FNBP1L: variants seen among roughly 807,000 people sequenced by gnomAD.
FNBP1L encodes the protein formin-binding protein 1-like.
Under a neutral mutation model 91.2 loss-of-function variants are expected in FNBP1L, and 36 were observed. The observed-to-expected ratio is 0.39, with a 90% CI of 0.30 to 0.52. The LOEUF is 0.52. Among genes scored for constraint, FNBP1L ranks in the 20% least tolerant of loss-of-function variants. The pLI, the probability that FNBP1L is intolerant of heterozygous loss-of-function variation, is 0.66. For synonymous variants in FNBP1L, 242 were observed against 237.0 expected (o/e 1.02, Z -0.19); for missense variants, 571 against 732.1 (o/e 0.78, Z 2.54).
intron 1 of FNBP1L, among the ~76,000 whole-genome samples, chr1:93,498,146 A>G (rs1310665724): frequency 6.6e-6 from 1 of 152,148 alleles, no homozygotes; most frequent in East Asian, 1.9e-4. Flanking sequence ...AAATTTGGAG[A>G]CTTAATCTAG....
chr1:93,545,914 C>A (rs1672210222), intron 12 of FNBP1L, among the ~76,000 whole-genome samples: 1 of 150,112 alleles, frequency 6.7e-6, no homozygotes. Flanking sequence ...AAGTTTAGGG[C>A]AAAGATAAAG....
intron 11 of FNBP1L, among the ~76,000 whole-genome samples, chr1:93,543,328 A>C (rs1476994675): frequency 6.6e-6 from 1 of 152,210 alleles, no homozygotes; most frequent in African/African-American, 2.4e-5. Context: ...TTTTTCTTAA[A>C]TTGCATAGTT....
chr1:93,513,275 C>G (rs1366130709), intron 2 of FNBP1L, among the ~76,000 whole-genome samples: 1 of 151,346 alleles, frequency 6.6e-6, no homozygotes. Flanking sequence ...TGGCAATAAT[C>G]AATAGCTTAC....
intron 1 of FNBP1L, among the ~76,000 whole-genome samples, chr1:93,455,208 G>A (rs1018665511): frequency 1.3e-5 from 2 of 152,144 alleles, no homozygotes; most frequent in African/African-American, 2.4e-5. Context: ...GATTAGCGGC[G>A]TGAGCCACCC....
At chr1:93,515,988 A>T (rs376849403) in intron 2 of FNBP1L, among the ~76,000 whole-genome samples, 13 of 152,324 alleles carry the variant, frequency 8.5e-5, no homozygotes, top group East Asian at 5.8e-4. Flanking sequence ...TCATCATCTG[A>T]TAAAGATTTA....
chr1:93,535,551 T>C lies in FNBP1L; in HGVS notation c.990+643T>C, dbSNP rs934647645. Among the ~76,000 whole-genome samples, 7 of 152,206 alleles carry C rather than the reference T, an allele frequency of 4.6e-5. No individual in the cohort carries two copies. The South Asian group carries it at 1.0e-3, about 23-fold the overall frequency. On this transcript the variant is annotated intron_variant, in intron 9 of 16. Coordinates refer to ENST00000271234, the MANE Select transcript of FNBP1L (RefSeq NM_001164473.3). ...ACTCGTGTCTTATTAGTAAGGAGAA[T>C]AGAGAAATACTTTTAATCTGATGTG...
chr1:93,523,409 A>C lies in FNBP1L; in HGVS notation c.260A>C (p.Glu87Ala). The change falls in exon 4 of 17, where the codon GAA (glutamate) becomes GCA (alanine). Residue 87 changes from glutamate to alanine, a missense_variant. Glu to Ala is a moderately radical substitution (Grantham distance 107, BLOSUM62 -1). Transcript: ENST00000271234. ...TTAAATGACTATGCAGGACAGCGAG[A>C]AGTTGTAGCAGAAGAAATGGCGCAC... is the stretch of plus-strand genomic sequence containing the variant. ...NELNDYAGQR[E>A]VVAEEMAHRV... The C allele has an allele frequency of 6.2e-7, 1 of 1,610,246 alleles. No individual in the cohort carries two copies. The highest frequency in any genetic ancestry group is 8.5e-7 in the Non-Finnish European group (1 of 1,178,100).
intron 8 of FNBP1L, among the ~76,000 whole-genome samples, chr1:93,534,005 T>G (rs766781657): frequency 6.6e-6 from 1 of 152,166 alleles, no homozygotes; most frequent in African/African-American, 2.4e-5. Context: ...TTTGTAGAGA[T>G]ACTCTGAAAA....
At chr1:93,530,441 G>T (rs1371264837) in intron 6 of FNBP1L, among the ~76,000 whole-genome samples, 1 of 151,824 alleles carries the variant, frequency 6.6e-6, no homozygotes, top group African/African-American at 2.4e-5. Context: ...TCATTTGTTT[G>T]TTTTTTTATC....
chr1:93,450,463 T>G (rs983436898), intron 1 of FNBP1L, among the ~76,000 whole-genome samples: 1 of 152,188 alleles, frequency 6.6e-6, no homozygotes, highest in Non-Finnish European at 1.5e-5. Flanking sequence ...TGAACTAATA[T>G]CAACTTGGTG....
intron 15 of FNBP1L, among the ~76,000 whole-genome samples, chr1:93,550,579 T>C (rs930383385): frequency 5.9e-5 from 9 of 152,224 alleles, no homozygotes; most frequent in African/African-American, 2.2e-4. Flanking sequence ...GTTACTGTTT[T>C]CCTAATCCAT....
chr1:93,451,998 G>A (rs995456164), intron 1 of FNBP1L, among the ~76,000 whole-genome samples: 6 of 152,042 alleles, frequency 3.9e-5, no homozygotes, highest in African/African-American at 1.5e-4. Context: ...ATATCTTTTT[G>A]GAAGAAACTG....
chr1:93,523,752 A>C lies in FNBP1L; in HGVS notation c.342+261A>C, dbSNP rs903452571. Among the ~76,000 whole-genome samples the C allele has an allele frequency of 3.3e-5, 5 of 152,180 alleles. No individual in the cohort carries two copies. In the South Asian group the frequency reaches 6.2e-4, roughly 19 times the overall value. On this transcript the variant is annotated intron_variant, in intron 4 of 16. Coordinates refer to ENST00000271234, the MANE Select transcript of FNBP1L (RefSeq NM_001164473.3). ...TTGCCACAGGCTAAGAATGATTTTT[A>C]TATTTTTAGATGGTTGAAAAAAGAA...
Position 93,541,059 on chromosome 1 carries a change from A to C in FNBP1L, c.1164+3A>C. On this transcript the variant is annotated splice_donor_region_variant and intron_variant, in intron 11 of 16. Coordinates refer to ENST00000271234, the MANE Select transcript of FNBP1L (RefSeq NM_001164473.3). ...CTATTCAGTGGTCGGTGAAGATGGT[A>C]AGCCTTATGTGCTGATCTATATACT... 2.6e-6 allele frequency: 4 copies of C among 1,536,350 alleles called. No individual in the cohort carries two copies. Among genetic ancestry groups the C allele is most frequent in the Non-Finnish European group, 3.5e-6 (4 of 1,146,294 alleles).
chr1:93,549,468 C>T, intron 15 of FNBP1L, 42 bp downstream of exon 15: 1 of 1,446,782 alleles, frequency 6.9e-7, no homozygotes, highest in East Asian at 2.5e-5. Flanking sequence ...AAAATTGGTT[C>T]TTTAAAAGTA....
rs1308168154 is a variant in FNBP1L, at chr1:93,542,805, CG to C, written c.1165-1300del. On this transcript the variant is annotated intron_variant, in intron 11 of 16. Transcript: ENST00000271234. The stretch of plus-strand genomic sequence containing the variant: ...TTTTTTTTTTTTTTTTTTTAAAAGA[CG>C]GAGTCTCGCTCTTGTCGCCCAGCCT... Among the ~76,000 whole-genome samples, 3 of 125,810 alleles carry C rather than the reference CG, an allele frequency of 2.4e-5. No homozygotes were observed. The East Asian group carries it at 6.8e-4, about 29-fold the overall frequency. 82.5% of individuals were successfully genotyped at this position (125,810 alleles called of 152,430 possible). A position where few individuals can be genotyped will look rare whatever the true frequency, so the allele number is the denominator to read the frequency against.
intron 1 of FNBP1L, among the ~76,000 whole-genome samples, chr1:93,458,218 ATCTTC>A (rs1249207228): frequency 6.6e-6 from 1 of 152,204 alleles, no homozygotes; most frequent in Non-Finnish European, 1.5e-5. Context: ...TTGGAGCAAT[ATCTTC>A]TCTTAGTTCT....
chr1:93,496,173 T>C (rs1254189669), intron 1 of FNBP1L, among the ~76,000 whole-genome samples: 1 of 152,070 alleles, frequency 6.6e-6, no homozygotes, highest in African/African-American at 2.4e-5. Flanking sequence ...TAATCTGCTT[T>C]ACTTAAAACA....
At chr1:93,494,290 GGTGCA>G (rs1266723691) in intron 1 of FNBP1L, among the ~76,000 whole-genome samples, 10 of 152,160 alleles carry the variant, frequency 6.6e-5, no homozygotes, top group African/African-American at 2.4e-4. Context: ...AAAGACCCAG[GGTGCA>G]TGATCTTCTG....
Sources: gnomAD v4.1 joint callset for allele counts (sites outside exome capture counted in the v4.1 genomes callset) on GRCh38, gnomAD v4.1.1 for gene constraint, MANE v1.5 for transcripts, NCBI Gene and HGNC (gene_info 2026-07-23, HGNC 2026-07-21) for gene names.